Variants in FILIP1L observed in about 807,000 individuals in gnomAD.
FILIP1L encodes the protein filamin A interacting protein 1 like.
Under a neutral mutation model 96.6 loss-of-function variants are expected in FILIP1L, and 55 were observed. That is an observed-to-expected ratio of 0.57 (90% CI 0.46 to 0.71). The LOEUF (loss-of-function observed/expected upper bound fraction) is 0.71. Among genes scored for constraint, FILIP1L ranks in the 30% least tolerant of loss-of-function variants. The pLI is 0.00. For synonymous variants in FILIP1L, 467 were observed against 473.9 expected (o/e 0.99, Z 0.19); for missense variants, 1,304 against 1,321.2 (o/e 0.99, Z 0.20).
At position 99,849,499 on chromosome 3, in the gene FILIP1L, A is replaced by G. The variant is rs374837208; in HGVS notation, c.2177T>C (p.Ile726Thr). 92 of 1,612,996 alleles carry G rather than the reference A, an allele frequency of 5.7e-5. No homozygotes were observed. Among genetic ancestry groups the G allele is most frequent in the Non-Finnish European group, 7.4e-5 (87 of 1,179,842 alleles). The change falls in exon 5 of 6, where the codon ATT (isoleucine) becomes ACT (threonine). Residue 726 changes from isoleucine to threonine, a missense_variant. Transcript: ENST00000477258. The stretch of plus-strand genomic sequence containing the variant: ...GTCTTCAGTTGCCATGTATTCATGA[A>G]TTTTCTCTTTTAATGCATCCACTTC... ...SREVDALKEK[I>T]HEYMATEDLI... is the part of the protein sequence containing the mutation.
intron 1 of FILIP1L, among the ~76,000 whole-genome samples, chr3:99,948,285 G>T (rs1471507586): frequency 4.6e-5 from 7 of 151,992 alleles, no homozygotes; most frequent in Non-Finnish European, 1.0e-4. Flanking sequence ...TTGAGCCCCG[G>T]AGTTTGAGAT....
intron 1 of FILIP1L, among the ~76,000 whole-genome samples, chr3:99,934,071 G>GTA: frequency 6.6e-6 from 1 of 152,202 alleles, no homozygotes; most frequent in East Asian, 1.9e-4. Context: ...CATCTCAGCT[G>GTA]TATGTGACTC....
chr3:99,872,258 C>A (rs1322317908), intron 4 of FILIP1L, among the ~76,000 whole-genome samples: 1 of 123,634 alleles, frequency 8.1e-6, no homozygotes, highest in Non-Finnish European at 1.7e-5. Context: ...TGTGGATATT[C>A]TGTGCCAGGA....
chr3:99,917,864 T>C (rs1307428176), intron 4 of FILIP1L, among the ~76,000 whole-genome samples: 1 of 152,194 alleles, frequency 6.6e-6, no homozygotes, highest in Non-Finnish European at 1.5e-5. Flanking sequence ...ATCCTAGGCT[T>C]GAGGTAAAAG....
rs1419222201 is a variant in FILIP1L, at chr3:99,849,093, T to C, written c.2583A>G (p.Leu861=). ...QSTPCPVNRK[L]WIPWMKSKEG... ...CCTTGGATTTCATCCAGGGAATCCA[T>C]AGCTTTCTGTTAACAGGACATGGAG... The change falls in exon 5 of 6, where the codon CTA becomes CTG. Residue 861 remains leucine (L), a synonymous_variant. Transcript: ENST00000477258. 1.2e-6 allele frequency: 2 copies of C among 1,614,122 alleles called. No homozygotes were observed. Among genetic ancestry groups the C allele is most frequent in the East Asian group, 2.2e-5 (1 of 44,882 alleles).
At chr3:99,956,513 C>T (rs1033850006) in intron 1 of FILIP1L, among the ~76,000 whole-genome samples, 6 of 152,106 alleles carry the variant, frequency 3.9e-5, no homozygotes, top group Non-Finnish European at 5.9e-5. Context: ...CTACCACACT[C>T]GGCTAATGAT....
chr3:100,091,698 A>C (rs958721159), intron 1 of FILIP1L, among the ~76,000 whole-genome samples: 2 of 152,250 alleles, frequency 1.3e-5, no homozygotes, highest in Non-Finnish European at 2.9e-5. Context: ...CATCTCTGAC[A>C]AGAATAAAAA....
chr3:99,962,444 G>T (rs1708521280), intron 1 of FILIP1L, among the ~76,000 whole-genome samples: 1 of 152,150 alleles, frequency 6.6e-6, no homozygotes, highest in Non-Finnish European at 1.5e-5. Context: ...ATTATCTTTT[G>T]TTGTTAGAGA....
rs138473410 is a variant in FILIP1L, at chr3:100,057,301, C to T, written c.-11+56752G>A. 2.4e-3 allele frequency among the ~76,000 whole-genome samples: 368 copies of T among 152,302 alleles called. 1 individual carries two copies. Among genetic ancestry groups the T allele is most frequent in the African/African-American group, 8.3e-3 (346 of 41,554 alleles). On this transcript the variant is annotated intron_variant, in intron 1 of 5. Transcript: ENST00000477258. ...AAACCAGGAAAGCAGTGAGATGTTA[C>T]TTTAAGGAAAGATGACATGATCTCT...
chr3:99,866,523 C>A (rs2107570444), intron 4 of FILIP1L, among the ~76,000 whole-genome samples: 1 of 152,184 alleles, frequency 6.6e-6, no homozygotes, highest in South Asian at 2.1e-4. Context: ...CATTTTGATC[C>A]TTAGAGGACT....
rs577443773 is a variant in FILIP1L at position 100,016,685 on chromosome 3, T to C, written c.-10-85655A>G. Reference sequence around the variant, plus strand: ...TCTTTCACATGTAAAGTCCATGCAATTCATAAACTGGCTGCTCTTGAATCC... The same window carrying C: ...TCTTTCACATGTAAAGTCCATGCAACTCATAAACTGGCTGCTCTTGAATCC... On this transcript the variant is annotated intron_variant, in intron 1 of 5. Coordinates refer to ENST00000477258, the MANE Select transcript of FILIP1L (RefSeq NM_001387850.1). 3.9e-5 allele frequency among the ~76,000 whole-genome samples: 6 copies of C among 152,364 alleles called. No homozygotes were observed. The South Asian group carries it at 1.2e-3, about 32-fold the overall frequency.
chr3:99,868,000 CTT>C (rs1944604454), intron 4 of FILIP1L, among the ~76,000 whole-genome samples: 1 of 152,158 alleles, frequency 6.6e-6, no homozygotes, highest in Non-Finnish European at 1.5e-5. Context: ...AAAAGAGACT[CTT>C]TATTGTTTGT....
chr3:99,863,016 T>C (rs1469183399), intron 4 of FILIP1L, among the ~76,000 whole-genome samples: 2 of 152,186 alleles, frequency 1.3e-5, no homozygotes, highest in Non-Finnish European at 1.5e-5. Flanking sequence ...CTTTGTCTGC[T>C]GGGTTTAGAT....
At chr3:100,079,736 A>G (rs1432880790) in intron 1 of FILIP1L, among the ~76,000 whole-genome samples, 1 of 152,158 alleles carries the variant, frequency 6.6e-6, no homozygotes, top group East Asian at 1.9e-4. Context: ...TAGAACAAAA[A>G]TTAATCCCAC....
intron 4 of FILIP1L, among the ~76,000 whole-genome samples, chr3:99,864,105 C>A (rs754903536): frequency 2.6e-5 from 4 of 152,102 alleles, no homozygotes; most frequent in Non-Finnish European, 4.4e-5. Context: ...TATACTTTTG[C>A]TGTTTTGAAA....
chr3:99,917,975 T>C (rs1404784691), intron 4 of FILIP1L, among the ~76,000 whole-genome samples: 1 of 152,070 alleles, frequency 6.6e-6, no homozygotes, highest in Admixed American at 6.5e-5. Context: ...GTTTTTTGTT[T>C]TGTTTTGTTT....
At chr3:99,836,560 T>C (rs140045930) in intron 5 of FILIP1L, among the ~76,000 whole-genome samples, 136 of 152,270 alleles carry the variant, frequency 8.9e-4, no homozygotes, top group African/African-American at 3.1e-3. Flanking sequence ...CAACTGCCGC[T>C]CTTTTCTTCT....
chr3:100,076,591 A>C (rs922306108), intron 1 of FILIP1L, among the ~76,000 whole-genome samples: 1 of 152,078 alleles, frequency 6.6e-6, no homozygotes, highest in Non-Finnish European at 1.5e-5. Flanking sequence ...CAGTCTTCTG[A>C]GTTATTTTTT....
chr3:99,945,802 C>A (rs1026833773), intron 1 of FILIP1L, among the ~76,000 whole-genome samples: 2 of 152,122 alleles, frequency 1.3e-5, no homozygotes, highest in East Asian at 1.9e-4. Context: ...CAACTTTAAC[C>A]CCAATTTTTT....
Sources: allele counts gnomAD v4.1 joint callset (sites outside exome capture counted in the v4.1 genomes callset), GRCh38; gene constraint gnomAD v4.1.1; transcripts MANE v1.5; gene names NCBI Gene and HGNC (gene_info 2026-07-23, HGNC 2026-07-21).